ARHGAP40: variants seen among roughly 807,000 people sequenced by gnomAD.
ARHGAP40 encodes the protein Rho GTPase activating protein 40.
In ARHGAP40, 43 loss-of-function variants were observed where a neutral mutation model predicts 73.5. The ratio of observed to expected loss-of-function variants is 0.58; its 90% CI spans 0.46 to 0.75. The LOEUF is 0.75. ARHGAP40 is among the 30% of genes least tolerant of loss of function. The pLI is 0.00. For synonymous variants in ARHGAP40, 300 were observed against 352.8 expected (o/e 0.85, Z 1.68); for missense variants, 734 against 861.8 (o/e 0.85, Z 1.86).
chr20:38,606,673 T>C (rs189495698), intron 1 of ARHGAP40, among the ~76,000 whole-genome samples: 106 of 152,270 alleles, frequency 7.0e-4, no homozygotes, highest in African/African-American at 2.4e-3. Flanking sequence ...CAGATTTCCT[T>C]AATCAATAAT....
Position 38,641,721 on chromosome 20 carries a change from C to A in ARHGAP40, c.1280-5C>A. ...ATGGAGACTGAGGTCCCTCCCTTCC[C>A]GCAGACATCCCCAACCTGAAGCAGC... On this transcript the variant is annotated splice_polypyrimidine_tract_variant and splice_region_variant and intron_variant, in intron 9 of 14. Transcript: ENST00000373345. The A allele has an allele frequency of 1.5e-6, 2 of 1,295,796 alleles. No homozygotes were observed. Among genetic ancestry groups the A allele is most frequent in the South Asian group, 1.3e-5 (1 of 79,042 alleles). 80.3% of individuals were successfully genotyped at this position (1,295,796 alleles called of 1,614,324 possible).
Position 38,609,354 on chromosome 20 carries a change from C to T in ARHGAP40, c.137+7275C>T, listed in dbSNP as rs146155113. On this transcript the variant is annotated intron_variant, in intron 1 of 14. Transcript: ENST00000373345. Reference sequence around the variant, plus strand: ...AGTTTCTAATTCTGTAGTTCTGAGGCGAGGGCTGAAAATGTGCACTCCTAA... The same window carrying T: ...AGTTTCTAATTCTGTAGTTCTGAGGTGAGGGCTGAAAATGTGCACTCCTAA... Among the ~76,000 whole-genome samples the T allele has an allele frequency of 2.6e-4, 40 of 152,222 alleles. 1 individual carries two copies. Among genetic ancestry groups the T allele is most frequent in the Non-Finnish European group, 5.3e-4 (36 of 67,998 alleles).
intron 7 of ARHGAP40, among the ~76,000 whole-genome samples, chr20:38,638,331 T>C (rs1480741374): frequency 6.6e-6 from 1 of 152,040 alleles, no homozygotes; most frequent in African/African-American, 2.4e-5. Context: ...CATAAGTAAA[T>C]AAATAAATAA....
chr20:38,643,710 C>A (rs2089033667), exon 11 of ARHGAP40: 5 of 1,305,780 alleles, frequency 3.8e-6, no homozygotes, highest in Non-Finnish European at 4.0e-6. Flanking sequence ...CTAGGCACTG[C>A]TGGAATTCCT....
exon 13 of ARHGAP40, chr20:38,647,054 A>G (rs2089058766): frequency 2.3e-6 from 3 of 1,305,392 alleles, no homozygotes; most frequent in Non-Finnish European, 3.0e-6. Context: ...GTCCTGAGGC[A>G]GTTCACAGAG....
chr20:38,641,711 C>T lies in ARHGAP40; in HGVS notation c.1280-15C>T. The T allele has an allele frequency of 7.7e-7, 1 of 1,293,544 alleles. No individual in the cohort carries two copies. The highest frequency in any genetic ancestry group is 1.3e-5 in the South Asian group (1 of 78,720). 80.1% of individuals were successfully genotyped at this position (1,293,544 alleles called of 1,614,324 possible). A position where few individuals can be genotyped will look rare whatever the true frequency, so the allele number is the denominator to read the frequency against. On this transcript the variant is annotated splice_polypyrimidine_tract_variant and intron_variant, in intron 9 of 14. Coordinates refer to ENST00000373345, the Ensembl canonical transcript of ARHGAP40. ...TGAGCCTCCCATGGAGACTGAGGTC[C>T]CTCCCTTCCCGCAGACATCCCCAAC...
chr20:38,629,885 T>C (rs1233959890), intron 5 of ARHGAP40, among the ~76,000 whole-genome samples: 1 of 152,212 alleles, frequency 6.6e-6, no homozygotes, highest in Non-Finnish European at 1.5e-5. Flanking sequence ...TCTTTGTTTT[T>C]ATCCTTAGAA....
intron 11 of ARHGAP40, among the ~76,000 whole-genome samples, chr20:38,645,803 A>G (rs1409944769): frequency 1.3e-5 from 2 of 152,160 alleles, no homozygotes; most frequent in East Asian, 1.9e-4. Flanking sequence ...GGGGACCACT[A>G]TCCACTAAGC....
At chr20:38,606,817 C>T (rs901546539) in intron 1 of ARHGAP40, among the ~76,000 whole-genome samples, 16 of 152,194 alleles carry the variant, frequency 1.1e-4, no homozygotes, top group African/African-American at 3.9e-4. Flanking sequence ...ACTGATCTCT[C>T]CAGACACACC....
At chr20:38,632,687 G>A (rs535780083) in intron 5 of ARHGAP40, among the ~76,000 whole-genome samples, 1 of 152,038 alleles carries the variant, frequency 6.6e-6, no homozygotes, top group Non-Finnish European at 1.5e-5. Flanking sequence ...AATTAATCAC[G>A]CTAAAGGGCC....
At chr20:38,647,494 G>A (rs1168572197) in intron 13 of ARHGAP40, among the ~76,000 whole-genome samples, 2 of 152,084 alleles carry the variant, frequency 1.3e-5, no homozygotes, top group African/African-American at 2.4e-5. Flanking sequence ...AGGTTCAAGC[G>A]ATTTTCCTGC....
rs2089052461 is a variant in ARHGAP40 at position 38,646,250 on chromosome 20, G to A, written c.1710+63G>A. 4.9e-6 allele frequency: 6 copies of A among 1,235,842 alleles called. No individual in the cohort carries two copies. Among genetic ancestry groups the A allele is most frequent in the Admixed American group, 2.6e-5 (1 of 38,212 alleles). The allele number at this position is 1,235,842 out of a possible 1,614,324, so 76.6% of individuals were successfully genotyped here. ...GAGGCGACAGGAGGGCACCTGGGGCGCGGTGCTTCCCTTCCTCCAGGTCCC... is the reference window on the plus strand; with the variant it reads ...GAGGCGACAGGAGGGCACCTGGGGCACGGTGCTTCCCTTCCTCCAGGTCCC... On this transcript the variant is annotated intron_variant, in intron 12 of 14. Coordinates refer to ENST00000373345, the Ensembl canonical transcript of ARHGAP40. The surrounding 1 kb of genome is among the most constrained non-coding windows in gnomAD (Gnocchi z 4.5).
chr20:38,611,445 TCTCA>T (rs1052584436), intron 1 of ARHGAP40, among the ~76,000 whole-genome samples: 3 of 128,720 alleles, frequency 2.3e-5, no homozygotes, highest in Admixed American at 8.5e-5. Flanking sequence ...AGAAACAGGG[TCTCA>T]CTCTTTTACC....
intron 1 of ARHGAP40, among the ~76,000 whole-genome samples, chr20:38,616,327 C>T (rs189023594): frequency 6.6e-6 from 1 of 152,332 alleles, no homozygotes; most frequent in East Asian, 1.9e-4. Context: ...TGCTCCACAA[C>T]ATATCATTAC....
In ARHGAP40 at chr20:38,629,662, G is replaced by A. The variant is rs889270214; in HGVS notation, c.783+12G>A. 1.1e-5 allele frequency: 14 copies of A among 1,305,102 alleles called. No homozygotes were observed. The African/African-American group carries it at 2.1e-4, about 20-fold the overall frequency. The allele number at this position is 1,305,102 out of a possible 1,614,324, so 80.8% of individuals were successfully genotyped here. On this transcript the variant is annotated intron_variant, in intron 5 of 14. Coordinates refer to ENST00000373345, the Ensembl canonical transcript of ARHGAP40. ...AGTGTTCCCTGCCGGTGAGGATGCT[G>A]TCCACAGGGCTGGTTGGCTAGGTCC...
At chr20:38,623,649 A>C in intron 2 of ARHGAP40, 91 bp downstream of exon 2, 2 of 1,068,300 alleles carry the variant, frequency 1.9e-6, no homozygotes, top group Non-Finnish European at 2.4e-6. Flanking sequence ...GAACCAGAAC[A>C]TGACAGCATT....
intron 6 of ARHGAP40, among the ~76,000 whole-genome samples, chr20:38,636,417 C>T (rs1963957249): frequency 1.3e-5 from 2 of 151,990 alleles, no homozygotes; most frequent in African/African-American, 4.8e-5. Flanking sequence ...TATGTGCCAT[C>T]ATGCCCTGCT....
rs1365603532 is a variant in ARHGAP40 at position 38,646,392 on chromosome 20, GA to G, written c.1710+208del. Among the ~76,000 whole-genome samples, 1 of 152,212 alleles carries G rather than the reference GA, an allele frequency of 6.6e-6. No individual in the cohort carries two copies. Among genetic ancestry groups the G allele is most frequent in the African/African-American group, 2.4e-5 (1 of 41,448 alleles). On this transcript the variant is annotated intron_variant, in intron 12 of 14. Transcript: ENST00000373345. This position sits in a 1 kb window ranked among gnomAD's most constrained non-coding sequence, Gnocchi z 4.5. ...GGGCTTAGAAGCGGGTTGGGGAGGG[GA>G]AATGGAGTGACTCGGAGACTTCCCC...
chr20:38,622,962 G>T (rs2088880742), intron 1 of ARHGAP40, among the ~76,000 whole-genome samples: 1 of 152,206 alleles, frequency 6.6e-6, no homozygotes, highest in Non-Finnish European at 1.5e-5. Context: ...GAGGAAGTGT[G>T]AGGGAAGGAG....
Sources: allele counts gnomAD v4.1 joint callset (sites outside exome capture counted in the v4.1 genomes callset), GRCh38; gene constraint gnomAD v4.1.1; non-coding constraint Gnocchi (gnomAD v3.1); transcripts MANE v1.5; gene names NCBI Gene and HGNC (gene_info 2026-07-23, HGNC 2026-07-21).